Variants in NFKB1 observed in about 807,000 individuals in gnomAD.
The protein encoded by NFKB1 is nuclear factor NF-kappa-B p105 subunit.
A neutral mutation model predicts 105.1 loss-of-function variants in NFKB1; 9 were observed. That is an observed-to-expected ratio of 0.09 (90% CI 0.05 to 0.15). The LOEUF (loss-of-function observed/expected upper bound fraction) is 0.15, where lower values mean the gene tolerates loss of function less well. Among genes scored for constraint, NFKB1 ranks in the 10% least tolerant of loss-of-function variants. The pLI is 1.00. For synonymous variants in NFKB1, 440 were observed against 442.2 expected (o/e 1.00, Z 0.06); for missense variants, 830 against 1,203.7 (o/e 0.69, Z 4.59).
intron 20 of NFKB1, among the ~76,000 whole-genome samples, 156 bp from the exon 21 acceptor site, chr4:102,611,888 C>T (rs1463595347): frequency 6.6e-6 from 1 of 152,234 alleles, no homozygotes; most frequent in Non-Finnish European, 1.5e-5. Context: ...GTACCATATT[C>T]TTGGAGGGTG....
chr4:102,508,617 A>G (rs1454716011), intron 1 of NFKB1, among the ~76,000 whole-genome samples: 2 of 152,188 alleles, frequency 1.3e-5, no homozygotes, highest in African/African-American at 4.8e-5. Flanking sequence ...AAATGAACCA[A>G]AAATATAGCC....
At chr4:102,504,929 T>G (rs1419137180) in intron 1 of NFKB1, among the ~76,000 whole-genome samples, 1 of 152,204 alleles carries the variant, frequency 6.6e-6, no homozygotes, top group East Asian at 1.9e-4. Context: ...ATTTGGACAG[T>G]TAATAGTTCT....
At chr4:102,606,824 A>G in intron 17 of NFKB1, 127 bp downstream of exon 17, 1 of 1,023,266 alleles carries the variant, frequency 9.8e-7, no homozygotes, top group Non-Finnish European at 1.4e-6. Context: ...GGAGTTCATC[A>G]TCTCTTTTGG....
At chr4:102,603,174 G>A (rs7684888) in intron 16 of NFKB1, among the ~76,000 whole-genome samples, 47,227 of 151,856 alleles carry the variant, frequency 0.31, 7,716 homozygotes, top group East Asian at 0.41. Context: ...CCAGGTTCAA[G>A]CGATTCTTCT....
chr4:102,531,507 GTCT>G (rs1207462593), intron 3 of NFKB1, among the ~76,000 whole-genome samples: 3 of 152,032 alleles, frequency 2.0e-5, no homozygotes, highest in African/African-American at 4.8e-5. Context: ...GATTATTTTA[GTCT>G]TCTAGATTTT....
chr4:102,544,992 C>G (rs1017831342), intron 5 of NFKB1, among the ~76,000 whole-genome samples: 2 of 152,152 alleles, frequency 1.3e-5, no homozygotes, highest in African/African-American at 2.4e-5. Flanking sequence ...CTGGTGGCTT[C>G]TTTTAAACCC....
chr4:102,578,857 ATGGAC>A lies in NFKB1; in HGVS notation c.572-21_572-17del. ...AATGTTCACACTTCCCTGGGCATGAATGGACTGTGCTGTATGGCCCTAGATCGGGA... is the reference window on the plus strand; with the variant it reads ...AATGTTCACACTTCCCTGGGCATGAATGTGCTGTATGGCCCTAGATCGGGA... On this transcript the variant is annotated intron_variant, in intron 7 of 23. Transcript: ENST00000226574. 6.2e-7 allele frequency: 1 copy of A among 1,606,918 alleles called. No homozygotes were observed. Among genetic ancestry groups the A allele is most frequent in the South Asian group, 1.1e-5 (1 of 90,606 alleles).
Position 102,593,934 on chromosome 4 carries a change from C to T in NFKB1, c.1210+366C>T, listed in dbSNP as rs532045095. Among the ~76,000 whole-genome samples, 16 of 152,240 alleles carry T rather than the reference C, an allele frequency of 1.1e-4. No homozygotes were observed. In the South Asian group the frequency reaches 3.3e-3, roughly 32 times the overall value. On this transcript the variant is annotated intron_variant, in intron 12 of 23. Coordinates refer to ENST00000226574, the MANE Select transcript of NFKB1 (RefSeq NM_003998.4). ...TACTACAATATAGCTATATATTAAA[C>T]ATCTCTATATACTACATTGTAGAAA... is the stretch of plus-strand genomic sequence containing the variant.
At chr4:102,532,502 G>A (rs1187460671) in intron 3 of NFKB1, among the ~76,000 whole-genome samples, 3 of 151,988 alleles carry the variant, frequency 2.0e-5, no homozygotes, top group Admixed American at 6.6e-5. Flanking sequence ...GGTGGTAGGC[G>A]CCTGTAATTC....
chr4:102,533,795 G>A (rs1578731094), intron 3 of NFKB1, 50 bp from the exon 4 acceptor site: 3 of 1,501,214 alleles, frequency 2.0e-6, no homozygotes, highest in African/African-American at 2.8e-5. Flanking sequence ...TACCAAATTT[G>A]AGAAGCCTCA....
At chr4:102,565,230 G>A (rs915990180) in intron 5 of NFKB1, among the ~76,000 whole-genome samples, 4 of 151,958 alleles carry the variant, frequency 2.6e-5, no homozygotes, top group Admixed American at 2.6e-4. Flanking sequence ...CCCTCTTCGT[G>A]ATTGGCTTGC....
chr4:102,614,807 C>T (rs1728788324), intron 23 of NFKB1, among the ~76,000 whole-genome samples: 1 of 152,062 alleles, frequency 6.6e-6, no homozygotes, highest in Non-Finnish European at 1.5e-5. Context: ...AAGTCACAGC[C>T]CTCCAGGGTC....
intron 5 of NFKB1, among the ~76,000 whole-genome samples, chr4:102,557,899 G>A (rs555713651): frequency 1.3e-5 from 2 of 152,218 alleles, no homozygotes; most frequent in East Asian, 3.9e-4. Flanking sequence ...ACCAGATACT[G>A]TAGGGCCAGT....
intron 10 of NFKB1, 46 bp from the exon 11 acceptor site, chr4:102,584,636 A>C: frequency 6.6e-7 from 1 of 1,519,854 alleles, no homozygotes; most frequent in Non-Finnish European, 8.8e-7. Context: ...GCAAAAAAAA[A>C]AAAAATGTAG....
intron 1 of NFKB1, among the ~76,000 whole-genome samples, chr4:102,514,526 T>G (rs941098437): frequency 2.0e-5 from 3 of 152,228 alleles, no homozygotes; most frequent in African/African-American, 7.2e-5. Context: ...TGCTGGTGCC[T>G]TGATCTTGGG....
chr4:102,566,338 T>C (rs1244329890), intron 5 of NFKB1, among the ~76,000 whole-genome samples: 1 of 152,194 alleles, frequency 6.6e-6, no homozygotes, highest in African/African-American at 2.4e-5. Flanking sequence ...GAGTACACTT[T>C]TTTGAATTGA....
Position 102,616,449 on chromosome 4 carries a change from G to C in NFKB1, c.2765G>C (p.Ser922Thr). Residue 922 changes from serine to threonine, a missense_variant, in exon 24 of 24, where the codon AGT becomes ACT. Around this residue, in one of 8 missense-constraint regions of NFKB1, gnomAD observed 418 missense variants for 575.3 expected, o/e 0.73. Coordinates refer to ENST00000226574, the MANE Select transcript of NFKB1 (RefSeq NM_003998.4). ...TRQQIDELRD[S>T]DSVCDSGVET... ...CTCCCCTCAGACGAGCTCCGAGACA[G>C]TGACAGTGTCTGCGACAGCGGCGTG... 1 of 1,614,116 alleles carries C rather than the reference G, an allele frequency of 6.2e-7. No individual in the cohort carries two copies. Among genetic ancestry groups the C allele is most frequent in the Non-Finnish European group, 8.5e-7 (1 of 1,180,022 alleles).
intron 7 of NFKB1, chr4:102,577,676 C>T (rs538694240): frequency 4.5e-4 from 109 of 242,458 alleles, no homozygotes; most frequent in Admixed American, 1.9e-3. Context: ...GATTCAAAAC[C>T]GATTATCAGT....
chr4:102,607,295 A>G lies in NFKB1; in HGVS notation c.2100A>G (p.Ser700=), dbSNP rs558290236. The change falls in exon 18 of 24, where the codon TCA becomes TCG. Residue 700 remains serine, a synonymous_variant. Transcript: ENST00000226574. ...TGGCTGTGGAGCACGACAACATCTC[A>G]TTGGCAGGCTGCCTGCTCCTGGAGG... ...LHLAVEHDNI[S]LAGCLLLEGD... is the part of the protein sequence containing the mutation. 1.9e-5 allele frequency: 30 copies of G among 1,611,246 alleles called. No homozygotes were observed. The South Asian group carries it at 2.5e-4, about 14-fold the overall frequency.
Sources: allele counts gnomAD v4.1 joint callset (sites outside exome capture counted in the v4.1 genomes callset), GRCh38; gene constraint gnomAD v4.1.1; regional missense constraint gnomAD v4.1.1; transcripts MANE v1.5; gene names NCBI Gene and HGNC (gene_info 2026-07-23, HGNC 2026-07-21).